The following CAST variants were observed in gnomAD, a reference collection of about 807,000 sequenced individuals.
CAST encodes the protein calpastatin.
In CAST, 76 loss-of-function variants were observed where a neutral mutation model predicts 119.6. The ratio of observed to expected loss-of-function variants is 0.64; its 90% confidence interval spans 0.53 to 0.77. CAST has a LOEUF of 0.77. Ranked by LOEUF, CAST falls within the 30% of genes least tolerant of loss-of-function variation. CAST has a pLI of 0.00. For synonymous variants in CAST, 319 were observed against 331.6 expected (o/e 0.96, Z 0.41); for missense variants, 953 against 946.5 (o/e 1.01, Z -0.09).
chr5:96,517,273 A>G, the CAST span, among the ~76,000 whole-genome samples: 63 of 152,274 alleles, frequency 4.1e-4, 1 homozygote, highest in South Asian at 0.012. Flanking sequence ...GGTTTCCCAT[A>G]TAAGACATGA....
the CAST span, among the ~76,000 whole-genome samples, chr5:96,408,798 GA>G: frequency 1.3e-5 from 2 of 152,184 alleles, no homozygotes; most frequent in Non-Finnish European, 2.9e-5. Flanking sequence ...TTAGCCATTT[GA>G]ACTACTTGCA....
At chr5:96,175,205 T>A in the CAST span, among the ~76,000 whole-genome samples, 1 of 152,254 alleles carries the variant, frequency 6.6e-6, no homozygotes, top group African/African-American at 2.4e-5. Context: ...TACTACACTA[T>A]AATAGTTTGT....
chr5:96,748,629 T>A lies in CAST; in HGVS notation c.1428+16T>A, dbSNP rs778120493. ...AAAGACAGAAGTATGTTTCTAAACA[T>A]ATAAATCTCTAGTTTTGAGGTTTGT... On this transcript the variant is annotated intron_variant, in intron 19 of 31. Transcript: ENST00000675179. 1 of 1,197,448 alleles carries A rather than the reference T, an allele frequency of 8.4e-7. No individual in the cohort carries two copies. The highest frequency in any genetic ancestry group is 1.8e-5 in the Admixed American group (1 of 56,138). The allele number at this position is 1,197,448 out of a possible 1,614,324, so 74.2% of individuals were successfully genotyped here.
the CAST span, among the ~76,000 whole-genome samples, chr5:96,092,224 G>A: frequency 1.3e-5 from 2 of 152,000 alleles, no homozygotes; most frequent in African/African-American, 2.4e-5. Flanking sequence ...TCTTTCACAG[G>A]TACCTTATTA....
the CAST span, among the ~76,000 whole-genome samples, chr5:96,340,122 A>G: frequency 6.6e-6 from 1 of 152,214 alleles, no homozygotes; most frequent in Non-Finnish European, 1.5e-5. Context: ...AAGGAAAGCC[A>G]TGTCTTTGCT....
chr5:96,713,278 C>T (rs368461272), intron 3 of CAST, among the ~76,000 whole-genome samples: 15 of 151,832 alleles, frequency 9.9e-5, no homozygotes, highest in East Asian at 3.9e-4. Context: ...ACTACAGGCA[C>T]GTGCCACCAT....
the CAST span, among the ~76,000 whole-genome samples, chr5:96,344,441 C>A: frequency 6.6e-6 from 1 of 151,980 alleles, no homozygotes; most frequent in Non-Finnish European, 1.5e-5. Context: ...AGACATCAAT[C>A]AAATTGTGTG....
At chr5:96,680,210 G>A (rs1751189388) in intron 2 of CAST, among the ~76,000 whole-genome samples, 1 of 151,098 alleles carries the variant, frequency 6.6e-6, no homozygotes, top group East Asian at 1.9e-4. Context: ...TTGGCCAGGC[G>A]TGGTCGTGGG....
intron 5 of CAST, 55 bp downstream of exon 5, chr5:96,726,914 G>A (rs75508776): frequency 0.036 from 42,784 of 1,203,262 alleles, 1,015 homozygotes; most frequent in Non-Finnish European, 0.045. Flanking sequence ...TACATCACCC[G>A]CTCAGCATGT....
At position 96,765,226 on chromosome 5, in the gene CAST, T is replaced by A. The variant is rs772254237; in HGVS notation, c.1938T>A (p.Ser646Arg). 27 of 1,589,708 alleles carry A rather than the reference T, an allele frequency of 1.7e-5. No homozygotes were observed. The highest frequency in any genetic ancestry group is 2.3e-5 in the Non-Finnish European group (27 of 1,163,044). The change falls in exon 26 of 32, where the codon AGT becomes AGA. Residue 646 changes from serine to arginine, a missense_variant. Ser to Arg is a moderately radical substitution (Grantham distance 110, BLOSUM62 -1). Transcript: ENST00000675179. ...AGAPPRDTSQSDKDLDDALDK... is the reference protein window; with the variant it reads ...AGAPPRDTSQRDKDLDDALDK... ...CAGCATTATTTACTTTTCAGCAGAG[T>A]GACAAAGACCTCGATGATGCCTTGG...
chr5:96,095,819 T>C, the CAST span, among the ~76,000 whole-genome samples: 2 of 151,114 alleles, frequency 1.3e-5, no homozygotes, highest in East Asian at 3.9e-4. Flanking sequence ...GACATAACAT[T>C]AAAAAAAAAT....
chr5:96,417,688 C>T, the CAST span, among the ~76,000 whole-genome samples: 1 of 152,160 alleles, frequency 6.6e-6, no homozygotes, highest in African/African-American at 2.4e-5. Context: ...GAAACTAGAA[C>T]ATCACTTGGG....
At chr5:96,226,748 T>C in the CAST span, among the ~76,000 whole-genome samples, 2 of 152,192 alleles carry the variant, frequency 1.3e-5, no homozygotes, top group Non-Finnish European at 2.9e-5. Context: ...GGCTTCTTGA[T>C]TTCTAGGTTT....
At chr5:96,577,865 C>T (rs917045474) in intron 1 of CAST, among the ~76,000 whole-genome samples, 3 of 151,970 alleles carry the variant, frequency 2.0e-5, no homozygotes, top group African/African-American at 2.4e-5. Context: ...ATGGAATCTT[C>T]GTTCTATTAT....
intron 1 of CAST, among the ~76,000 whole-genome samples, chr5:96,625,292 C>G (rs1470468420): frequency 6.6e-6 from 1 of 152,104 alleles, no homozygotes; most frequent in East Asian, 1.9e-4. Context: ...CTCTCTGTCT[C>G]TCTCTCTCTC....
At chr5:96,408,670 G>A in the CAST span, among the ~76,000 whole-genome samples, 4 of 152,206 alleles carry the variant, frequency 2.6e-5, no homozygotes, top group African/African-American at 7.2e-5. Flanking sequence ...ATTAATCATC[G>A]GGTCCATTGT....
chr5:96,233,673 A>G, the CAST span, among the ~76,000 whole-genome samples: 1 of 152,130 alleles, frequency 6.6e-6, no homozygotes, highest in Non-Finnish European at 1.5e-5. Context: ...TCTCCTAGTT[A>G]CTTAATAAGT....
At chr5:96,254,357 A>C in the CAST span, among the ~76,000 whole-genome samples, 1 of 152,154 alleles carries the variant, frequency 6.6e-6, no homozygotes, top group Non-Finnish European at 1.5e-5. Context: ...AAACAGAAAC[A>C]ATAAAGGTCT....
At chr5:96,294,667 T>C in the CAST span, among the ~76,000 whole-genome samples, 1 of 152,254 alleles carries the variant, frequency 6.6e-6, no homozygotes, top group South Asian at 2.1e-4. Context: ...ACCTAAGTGA[T>C]ATGTTTATAT....
Sources: gnomAD v4.1 joint callset for allele counts (sites outside exome capture counted in the v4.1 genomes callset) on GRCh38, gnomAD v4.1.1 for gene constraint, MANE v1.5 for transcripts, NCBI Gene and HGNC (gene_info 2026-07-23, HGNC 2026-07-21) for gene names.